ACACB: variants seen among roughly 807,000 people sequenced by gnomAD.
ACACB encodes the protein acetyl-CoA carboxylase beta.
In ACACB, 209 loss-of-function variants were observed where a neutral mutation model predicts 278.8. That is an observed-to-expected ratio of 0.75 (90% confidence interval 0.67 to 0.84). The LOEUF (loss-of-function observed/expected upper bound fraction) is 0.84. Among genes scored for constraint, ACACB ranks in the 40% least tolerant of loss-of-function variants. The pLI is 0.00. For missense variants in ACACB, 2,850 were observed against 3,269.0 expected, an observed-to-expected ratio of 0.87 and a Z score of 3.13; for synonymous variants, 1,174 against 1,285.6, an observed-to-expected ratio of 0.91 and a Z score of 1.86.
At chr12:109,218,557 T>C (rs1050540320) in intron 24 of ACACB, among the ~76,000 whole-genome samples, 3 of 151,970 alleles carry the variant, frequency 2.0e-5, no homozygotes, top group African/African-American at 7.3e-5. Context: ...AAAAATATTT[T>C]TCTTTGATAT....
chr12:109,250,500 A>G (rs1422618056), intron 41 of ACACB, among the ~76,000 whole-genome samples: 1 of 152,216 alleles, frequency 6.6e-6, no homozygotes, highest in East Asian at 1.9e-4. Flanking sequence ...TGTTTGAATC[A>G]GGGTCCAATC....
rs777709102 is a variant in ACACB, at chr12:109,241,169, G to A, written c.4910G>A (p.Arg1637His). Residue 1637 changes from arginine to histidine, a missense_variant, in exon 36 of 53, where the codon CGC becomes CAC. Physicochemically the swap from Arg to His is conservative, Grantham distance 29 (BLOSUM62 0). This residue lies in a region of ACACB where 2,265 missense variants were observed against 2,561.3 expected (regional missense o/e 0.88). Transcript: ENST00000338432. Reference protein sequence around the residue: ...VLQAEVKINIRQTTTGSAVPI... With the variant: ...VLQAEVKINIHQTTTGSAVPI... ...CAGGCTGAGGTCAAGATCAACATCC[G>A]CCAGACCACCACCGGCAGTGCCGTT... The A allele has an allele frequency of 6.6e-5, 107 of 1,613,954 alleles. No individual in the cohort carries two copies. The highest frequency in any genetic ancestry group is 3.5e-4 in the Admixed American group (21 of 59,974).
Position 109,241,302 on chromosome 12 carries a change from G to T in ACACB, c.5022+21G>T, listed in dbSNP as rs762929600. 59 of 1,610,784 alleles carry T rather than the reference G, an allele frequency of 3.7e-5. 1 individual carries two copies. In the Middle Eastern group the frequency reaches 2.5e-3, roughly 67 times the overall value. On this transcript the variant is annotated intron_variant, in intron 36 of 52. Coordinates refer to ENST00000338432, the MANE Select transcript of ACACB (RefSeq NM_001093.4). The stretch of plus-strand genomic sequence containing the variant: ...GAAATGTAAGGCTGGCCCGCGCCGT[G>T]GGGGTCTAAGTCAAAGCAGAAGCAG...
chr12:109,195,322 A>C (rs904256870), intron 16 of ACACB, among the ~76,000 whole-genome samples: 6 of 152,174 alleles, frequency 3.9e-5, no homozygotes, highest in Admixed American at 3.3e-4. Flanking sequence ...AGTACTTTCT[A>C]TTTAATATTG....
At chr12:109,260,183 G>T in intron 47 of ACACB, 1 of 1,423,980 alleles carries the variant, frequency 7.0e-7, no homozygotes, top group South Asian at 1.1e-5. Flanking sequence ...GAAATGGTGG[G>T]GCAGGGCAGG....
At chr12:109,243,592 C>A (rs2046859541) in intron 37 of ACACB, among the ~76,000 whole-genome samples, 1 of 152,020 alleles carries the variant, frequency 6.6e-6, no homozygotes, top group Non-Finnish European at 1.5e-5. Context: ...GAGCGAGACT[C>A]TGTCTCAAAA....
At chr12:109,175,254 A>C (rs2044246994) in intron 7 of ACACB, among the ~76,000 whole-genome samples, 1 of 152,106 alleles carries the variant, frequency 6.6e-6, no homozygotes. Context: ...GTTGAATTTT[A>C]AATTTGGGAT....
rs116429083 is a variant in ACACB, at chr12:109,247,533, C to T, written c.5572-73C>T. 4,508 of 1,088,632 alleles carry T rather than the reference C, an allele frequency of 4.1e-3. 124 individuals are homozygous for T. The African/African-American group carries it at 0.064, about 15-fold the overall frequency. The allele number at this position is 1,088,632 out of a possible 1,614,324, so 67.4% of individuals were successfully genotyped here. The stretch of plus-strand genomic sequence containing the variant: ...TTAACATCCATCCCTACGATGTTCA[C>T]ATTAAGAAAAAAAAAACAGTGGCTT... On this transcript the variant is annotated intron_variant, in intron 39 of 52. Coordinates refer to ENST00000338432, the MANE Select transcript of ACACB (RefSeq NM_001093.4).
intron 42 of ACACB, 166 bp downstream of exon 42, chr12:109,252,322 GAA>G: frequency 6.7e-6 from 3 of 446,548 alleles, no homozygotes; most frequent in Non-Finnish European, 1.2e-5. Context: ...GTCCTTATGA[GAA>G]AAAAAAAATT....
At chr12:109,190,925 TGGTTCTTTCTCTACTAA>T (rs1344277158) in intron 13 of ACACB, among the ~76,000 whole-genome samples, 1 of 152,132 alleles carries the variant, frequency 6.6e-6, no homozygotes, top group African/African-American at 2.4e-5. Context: ...CATGCCTGGC[TGGTTCTTTCTCTACTAA>T]TCATTAACTA....
chr12:109,154,545 G>A (rs1002572457), intron 2 of ACACB: 1 of 152,470 alleles, frequency 6.6e-6, no homozygotes, highest in Non-Finnish European at 1.5e-5. Context: ...CTCAGCGGCG[G>A]GTCGGAGGTA....
chr12:109,219,333 A>G (rs1408649710), intron 24 of ACACB, among the ~76,000 whole-genome samples: 2 of 152,172 alleles, frequency 1.3e-5, no homozygotes, highest in African/African-American at 4.8e-5. Context: ...ATTTTTGGTA[A>G]AGAATCATTT....
intron 13 of ACACB, 69 bp downstream of exon 13, chr12:109,188,231 TTCCC>T (rs2044740223): frequency 3.8e-6 from 3 of 793,938 alleles, no homozygotes; most frequent in South Asian, 4.2e-5. Flanking sequence ...CCTTCCTTCC[TTCCC>T]TCTCTCCCTT....
chr12:109,246,634 T>A (rs2046954613), intron 39 of ACACB, among the ~76,000 whole-genome samples, 186 bp downstream of exon 39: 1 of 151,464 alleles, frequency 6.6e-6, no homozygotes, highest in Admixed American at 6.6e-5. Flanking sequence ...GCGGGGGGGA[T>A]GGTGATGAGA....
intron 34 of ACACB, 150 bp downstream of exon 34, chr12:109,237,530 C>A: frequency 1.2e-6 from 1 of 826,198 alleles, no homozygotes; most frequent in Non-Finnish European, 1.9e-6. Context: ...CAGTCCAGGG[C>A]AGGAGGCGGA....
rs188451494 is a variant in ACACB, at chr12:109,186,995, C to T, written c.1981-1004C>T. ...TACCAAAATTGTACTTAGAGGGAGA[C>T]GGGCCGTTCTCCCAGAGGGAATCAG... On this transcript the variant is annotated intron_variant, in intron 12 of 52. Transcript: ENST00000338432. Among the ~76,000 whole-genome samples the T allele has an allele frequency of 7.1e-4, 107 of 151,404 alleles. 1 individual carries two copies. Among genetic ancestry groups the T allele is most frequent in the South Asian group, 2.5e-3 (12 of 4,740 alleles).
rs1345203066 is a variant in ACACB at position 109,191,845 on chromosome 12, A to G, written c.2296-2A>G. On this transcript the variant is annotated splice_acceptor_variant, in intron 14 of 52. Coordinates refer to ENST00000338432, the MANE Select transcript of ACACB (RefSeq NM_001093.4). LOFTEE classifies it high-confidence loss of function. ...AGGATACTGAAGTGCATTTTCTCCT[A>G]GGCGGAGAAACCGGATATCATGCTT... 6.2e-7 allele frequency: 1 copy of G among 1,614,146 alleles called. No homozygotes were observed. The highest frequency in any genetic ancestry group is 2.2e-5 in the East Asian group (1 of 44,868).
At chr12:109,130,226 G>C (rs551123428) in intron 1 of ACACB, among the ~76,000 whole-genome samples, 10 of 152,268 alleles carry the variant, frequency 6.6e-5, no homozygotes, top group Non-Finnish European at 1.0e-4. Flanking sequence ...AGTGCCCCAG[G>C]GGGGATGAAC....
At chr12:109,198,766 A>T (rs2045226889) in intron 17 of ACACB, among the ~76,000 whole-genome samples, 1 of 151,892 alleles carries the variant, frequency 6.6e-6, no homozygotes, top group Non-Finnish European at 1.5e-5. Flanking sequence ...GACTACTGGC[A>T]TATGCTACCA....
Sources: gnomAD v4.1 joint callset for allele counts (sites outside exome capture counted in the v4.1 genomes callset) on GRCh38, gnomAD v4.1.1 for gene constraint, gnomAD v4.1.1 regional missense constraint, MANE v1.5 for transcripts, NCBI Gene and HGNC (gene_info 2026-07-23, HGNC 2026-07-21) for gene names.